Variants in MITF observed in about 807,000 individuals in gnomAD.
MITF encodes the protein microphthalmia-associated transcription factor.
MITF carries 17 observed loss-of-function variants against 60.5 expected under a neutral mutation model. The ratio of observed to expected loss-of-function variants is 0.28; its 90% CI spans 0.19 to 0.42. MITF has a LOEUF of 0.42. Among genes scored for constraint, MITF ranks in the 10% least tolerant of loss-of-function variants. MITF has a pLI of 1.00. For synonymous variants in MITF, 260 were observed against 248.5 expected, an observed-to-expected ratio of 1.05 and a Z score of -0.43; for missense variants, 622 against 683.5, an observed-to-expected ratio of 0.91 and a Z score of 1.00.
At chr3:69,917,939 A>ATC (rs1172813597) in intron 2 of MITF, among the ~76,000 whole-genome samples, 1 of 152,228 alleles carries the variant, frequency 6.6e-6, no homozygotes, top group Non-Finnish European at 1.5e-5. Flanking sequence ...TGATCAATAG[A>ATC]AAGACAAATA....
chr3:69,938,328 TC>T (rs1457850086), intron 3 of MITF: 1 of 1,558,304 alleles, frequency 6.4e-7, no homozygotes, highest in Middle Eastern at 1.7e-4. Context: ...AGCTGAGTGC[TC>T]TCTTCTCTTC....
intron 3 of MITF, 135 bp from the exon 4 acceptor site, chr3:69,938,963 A>G (rs894458846): frequency 2.0e-6 from 3 of 1,529,882 alleles, no homozygotes; most frequent in African/African-American, 2.8e-5. Flanking sequence ...TCATTATTTC[A>G]TCTTTTGGTC....
intron 2 of MITF, among the ~76,000 whole-genome samples, chr3:69,921,702 T>C (rs1195951244): frequency 6.6e-6 from 1 of 152,198 alleles, no homozygotes; most frequent in Non-Finnish European, 1.5e-5. Flanking sequence ...GAAGGAAGCA[T>C]GTCAATAGTT....
At chr3:69,746,844 A>T (rs1172320706) in intron 1 of MITF, among the ~76,000 whole-genome samples, 1 of 152,196 alleles carries the variant, frequency 6.6e-6, no homozygotes, top group East Asian at 1.9e-4. Flanking sequence ...ATCTCTGTTG[A>T]AATTTCTGCA....
At chr3:69,857,541 T>G (rs1481432082) in intron 1 of MITF, among the ~76,000 whole-genome samples, 1 of 151,978 alleles carries the variant, frequency 6.6e-6, no homozygotes, top group African/African-American at 2.4e-5. Context: ...TTTTTCAAAT[T>G]TTCATGTTTC....
chr3:69,796,996 G>T (rs1470393414), intron 1 of MITF, among the ~76,000 whole-genome samples: 1 of 152,178 alleles, frequency 6.6e-6, no homozygotes, highest in Non-Finnish European at 1.5e-5. Context: ...GACTTTTATT[G>T]CAGGTTTTCT....
At chr3:69,804,051 A>G (rs1171775430) in intron 1 of MITF, among the ~76,000 whole-genome samples, 4 of 152,186 alleles carry the variant, frequency 2.6e-5, no homozygotes, top group African/African-American at 9.7e-5. Context: ...ACCACAAAAC[A>G]CAGTTTCCTT....
chr3:69,803,915 G>T (rs2062962949), intron 1 of MITF, among the ~76,000 whole-genome samples: 1 of 151,686 alleles, frequency 6.6e-6, no homozygotes, highest in African/African-American at 2.4e-5. Flanking sequence ...TTTTAGAAGT[G>T]TATAGTCACC....
intron 8 of MITF, among the ~76,000 whole-genome samples, chr3:69,956,932 A>G (rs895133757): frequency 3.3e-5 from 5 of 152,232 alleles, no homozygotes; most frequent in Non-Finnish European, 5.9e-5. Flanking sequence ...ATAGGCACTG[A>G]TGAACAGACA....
intron 2 of MITF, among the ~76,000 whole-genome samples, chr3:69,933,936 A>G (rs1416031028): frequency 2.0e-5 from 3 of 152,216 alleles, no homozygotes; most frequent in Non-Finnish European, 4.4e-5. Context: ...TTATATTTAT[A>G]TGGCTTTTTA....
Position 69,922,262 on chromosome 3 carries a change from G to A in MITF, c.355-15560G>A, listed in dbSNP as rs545216502. ...TTTTCAGACGGAGTCTCACTCTGTC[G>A]CCAGGCTGGAGTGCGGTGGCACAAT... is the stretch of plus-strand genomic sequence containing the variant. On this transcript the variant is annotated intron_variant, in intron 2 of 9. Transcript: ENST00000352241. Among the ~76,000 whole-genome samples, 4 of 151,928 alleles carry A rather than the reference G, an allele frequency of 2.6e-5. No individual in the cohort carries two copies. The East Asian group carries it at 5.8e-4, about 22-fold the overall frequency.
At chr3:69,881,909 C>T (rs765300132) in intron 2 of MITF, among the ~76,000 whole-genome samples, 5 of 152,096 alleles carry the variant, frequency 3.3e-5, no homozygotes, top group Admixed American at 6.5e-5. Flanking sequence ...GCCTGCTTCT[C>T]AGTGGAGGTA....
At chr3:69,840,141 C>T (rs2063609221) in intron 1 of MITF, among the ~76,000 whole-genome samples, 1 of 152,046 alleles carries the variant, frequency 6.6e-6, no homozygotes, top group Non-Finnish European at 1.5e-5. Context: ...CAGTCCAGAC[C>T]ACACTCCTAG....
At chr3:69,950,448 T>TTTTATATA (rs1491218215) in intron 6 of MITF, among the ~76,000 whole-genome samples, 4 of 130,792 alleles carry the variant, frequency 3.1e-5, no homozygotes, top group African/African-American at 8.6e-5. Context: ...AACTTCTGAG[T>TTTTATATA]TATATATATA....
intron 1 of MITF, among the ~76,000 whole-genome samples, chr3:69,762,954 C>G (rs1477490734): frequency 6.6e-6 from 1 of 152,162 alleles, no homozygotes; most frequent in Non-Finnish European, 1.5e-5. Context: ...CTGCTCTTTA[C>G]CTTGCCAGCA....
At chr3:69,763,749 TG>T (rs2062245815) in intron 1 of MITF, 1 of 1,356,336 alleles carries the variant, frequency 7.4e-7, no homozygotes, top group Non-Finnish European at 9.7e-7. Flanking sequence ...TTGGTGTGAT[TG>T]TCCTCTCCTT....
At chr3:69,880,231 C>T (rs551954709) in intron 2 of MITF, among the ~76,000 whole-genome samples, 12 of 152,070 alleles carry the variant, frequency 7.9e-5, no homozygotes, top group African/African-American at 2.7e-4. Flanking sequence ...CTTTACAGAC[C>T]GGTGATTCAT....
At chr3:69,766,267 C>A (rs1422533163) in intron 1 of MITF, among the ~76,000 whole-genome samples, 1 of 151,186 alleles carries the variant, frequency 6.6e-6, no homozygotes, top group Non-Finnish European at 1.5e-5. Context: ...TTTCACCCAG[C>A]AGCACGATCT....
At chr3:69,930,402 G>A (rs1474262314) in intron 2 of MITF, among the ~76,000 whole-genome samples, 1 of 152,180 alleles carries the variant, frequency 6.6e-6, no homozygotes, top group African/African-American at 2.4e-5. Flanking sequence ...TAAATAACAT[G>A]TATTAAGAGC....
Sources: allele counts gnomAD v4.1 joint callset (sites outside exome capture counted in the v4.1 genomes callset), GRCh38; gene constraint gnomAD v4.1.1; transcripts MANE v1.5; gene names NCBI Gene and HGNC (gene_info 2026-07-23, HGNC 2026-07-21).